The following CAB39L variants were observed in gnomAD, a reference collection of about 807,000 sequenced individuals.
CAB39L encodes the protein calcium binding protein 39 like, also known as calcium-binding protein 39-like.
A neutral mutation model predicts 39.1 loss-of-function variants in CAB39L; 23 were observed. The ratio of observed to expected loss-of-function variants is 0.59; its 90% CI spans 0.42 to 0.83. The LOEUF (loss-of-function observed/expected upper bound fraction) is 0.83. Among genes scored for constraint, CAB39L ranks in the 40% least tolerant of loss-of-function variants. The pLI is 0.00. For missense variants in CAB39L, 366 were observed against 391.9 expected (o/e 0.93, Z 0.56); for synonymous variants, 126 against 137.2 (o/e 0.92, Z 0.57).
At chr13:49,348,264 C>T (rs1282318342) in intron 7 of CAB39L, among the ~76,000 whole-genome samples, 1 of 152,112 alleles carries the variant, frequency 6.6e-6, no homozygotes, top group Non-Finnish European at 1.5e-5. Flanking sequence ...CTCCTGCTTA[C>T]GACAACAAAA....
At chr13:49,322,527 T>C (rs988590726) in intron 10 of CAB39L, among the ~76,000 whole-genome samples, 5 of 152,284 alleles carry the variant, frequency 3.3e-5, no homozygotes, top group Non-Finnish European at 7.3e-5. Flanking sequence ...ATGCAAGTTA[T>C]TAAGATTCAT....
intron 3 of CAB39L, among the ~76,000 whole-genome samples, chr13:49,427,875 TC>T: frequency 6.6e-6 from 1 of 152,176 alleles, no homozygotes. Flanking sequence ...CAGATGGCCA[TC>T]TTTTCGCTGT....
At chr13:49,420,770 T>C (rs916742890) in intron 3 of CAB39L, among the ~76,000 whole-genome samples, 1 of 152,222 alleles carries the variant, frequency 6.6e-6, no homozygotes, top group Non-Finnish European at 1.5e-5. Flanking sequence ...ATGCTAAGCA[T>C]CAGTATTACT....
chr13:49,402,218 G>A (rs1184541356), intron 3 of CAB39L, among the ~76,000 whole-genome samples: 1 of 151,964 alleles, frequency 6.6e-6, no homozygotes, highest in Non-Finnish European at 1.5e-5. Context: ...AAAGTCTAAA[G>A]GCTACAAAAA....
At chr13:49,431,011 T>C (rs1230776765) in intron 3 of CAB39L, among the ~76,000 whole-genome samples, 2 of 152,226 alleles carry the variant, frequency 1.3e-5, no homozygotes, top group East Asian at 3.8e-4. Flanking sequence ...TAAAAAGTGT[T>C]CTGTTAAGAA....
chr13:49,315,043 G>A (rs557669825), intron 10 of CAB39L, among the ~76,000 whole-genome samples: 30 of 152,216 alleles, frequency 2.0e-4, no homozygotes, highest in Admixed American at 4.6e-4. Flanking sequence ...TTTACCAGGT[G>A]AGGTTCAGAA....
chr13:49,440,568 G>A (rs1957494731), intron 1 of CAB39L, among the ~76,000 whole-genome samples: 1 of 151,932 alleles, frequency 6.6e-6, no homozygotes, highest in African/African-American at 2.4e-5. Context: ...GTTTTGGGCA[G>A]TATGGCGATT....
intron 6 of CAB39L, among the ~76,000 whole-genome samples, chr13:49,351,815 G>T (rs569495902): frequency 6.6e-6 from 1 of 152,252 alleles, no homozygotes; most frequent in Admixed American, 6.5e-5. Flanking sequence ...GCTGGAGTTG[G>T]GTGAGGGAAT....
At chr13:49,407,815 C>G (rs1053881386) in intron 3 of CAB39L, among the ~76,000 whole-genome samples, 5 of 146,108 alleles carry the variant, frequency 3.4e-5, no homozygotes, top group Admixed American at 1.4e-4. Context: ...ATTGCTTGAG[C>G]CCAGGAGTTC....
intron 5 of CAB39L, among the ~76,000 whole-genome samples, chr13:49,361,349 G>A (rs2138508107): frequency 6.6e-6 from 1 of 151,674 alleles, no homozygotes; most frequent in Non-Finnish European, 1.5e-5. Context: ...GTGGTGGTGT[G>A]CACCTGTAGT....
chr13:49,376,420 T>C (rs1250672181), intron 5 of CAB39L, among the ~76,000 whole-genome samples: 1 of 152,190 alleles, frequency 6.6e-6, no homozygotes, highest in East Asian at 1.9e-4. Flanking sequence ...TTTTAGTTAG[T>C]CAGTTTATTA....
At chr13:49,350,187 T>A (rs1001937530) in intron 7 of CAB39L, among the ~76,000 whole-genome samples, 14 of 152,200 alleles carry the variant, frequency 9.2e-5, no homozygotes, top group African/African-American at 2.9e-4. Context: ...AGATAATACA[T>A]GATCAAACTA....
rs548947401 is a variant in CAB39L, at chr13:49,405,719, G to GAGGAAGGAAGGA, written c.-31-22790_-31-22779dup. On this transcript the variant is annotated intron_variant, in intron 3 of 10. Transcript: ENST00000409308. ...AAAGAAAGAAAGAAAGAAAGAGAGA[G>GAGGAAGGAAGGA]AGGAAGGAAGGAAGGAAGGAAGGAA... Among the ~76,000 whole-genome samples, 85 of 95,064 alleles carry GAGGAAGGAAGGA rather than the reference G, an allele frequency of 8.9e-4. 4 individuals carry two copies. The highest frequency in any genetic ancestry group is 2.8e-3 in the African/African-American group (75 of 26,342). 62.4% of individuals were successfully genotyped at this position (95,064 alleles called of 152,430 possible).
chr13:49,414,677 T>G (rs1957050649), intron 3 of CAB39L, among the ~76,000 whole-genome samples: 1 of 152,056 alleles, frequency 6.6e-6, no homozygotes, highest in Admixed American at 6.6e-5. Context: ...TACAACTATG[T>G]GTGTGTGTAC....
At position 49,377,581 on chromosome 13, in the gene CAB39L, C is replaced by T. The variant is rs1016403113; in HGVS notation, c.112-450G>A. 9.1e-5 allele frequency among the ~76,000 whole-genome samples: 8 copies of T among 88,288 alleles called. 2 individuals carry two copies. The highest frequency in any genetic ancestry group is 0.014 in the Middle Eastern group (2 of 138). 57.9% of individuals were successfully genotyped at this position (88,288 alleles called of 152,430 possible). A position where few individuals can be genotyped will look rare whatever the true frequency, so the allele number is the denominator to read the frequency against. Reference sequence around the variant, plus strand: ...CACGCCTGACTGGTTTTGGTGGAGACGGGGTTTCGCTGTGTTGGCCGGGCA... The same window carrying T: ...CACGCCTGACTGGTTTTGGTGGAGATGGGGTTTCGCTGTGTTGGCCGGGCA... On this transcript the variant is annotated intron_variant, in intron 4 of 10. Transcript: ENST00000409308.
At chr13:49,329,420 G>A (rs1285735939) in intron 10 of CAB39L, among the ~76,000 whole-genome samples, 1 of 151,104 alleles carries the variant, frequency 6.6e-6, no homozygotes, top group Admixed American at 6.6e-5. Context: ...AAATATCTGG[G>A]CTGGAGCTTC....
intron 3 of CAB39L, among the ~76,000 whole-genome samples, chr13:49,384,724 C>A (rs1956321561): frequency 6.6e-6 from 1 of 152,062 alleles, no homozygotes; most frequent in Non-Finnish European, 1.5e-5. Context: ...GGCATGAAAA[C>A]AACATTAACC....
intron 3 of CAB39L, among the ~76,000 whole-genome samples, chr13:49,418,070 A>C (rs1271637863): frequency 1.3e-5 from 2 of 152,178 alleles, no homozygotes; most frequent in African/African-American, 2.4e-5. Flanking sequence ...GAGAAATGAA[A>C]ACATACACCC....
At position 49,355,243 on chromosome 13, in the gene CAB39L, G is replaced by T. The variant is rs76188923; in HGVS notation, c.396-4331C>A. On this transcript the variant is annotated intron_variant, in intron 6 of 10. Transcript: ENST00000409308. Reference sequence around the variant, plus strand: ...AAAAAAAAAAATTAATTAGCTAAGTGTGGTGGCATGCACTTGTAGTCCCGG... The same window carrying T: ...AAAAAAAAAAATTAATTAGCTAAGTTTGGTGGCATGCACTTGTAGTCCCGG... 3.3e-3 allele frequency among the ~76,000 whole-genome samples: 497 copies of T among 151,950 alleles called. 6 individuals are homozygous for T. The East Asian group carries it at 0.039, about 12-fold the overall frequency.
Sources: gnomAD v4.1 joint callset for allele counts (sites outside exome capture counted in the v4.1 genomes callset) on GRCh38, gnomAD v4.1.1 for gene constraint, MANE v1.5 for transcripts, NCBI Gene and HGNC (gene_info 2026-07-23, HGNC 2026-07-21) for gene names.